TTC7B: variants seen among roughly 807,000 people sequenced by gnomAD.
TTC7B encodes the protein tetratricopeptide repeat protein 7B.
Under a neutral mutation model 106.8 loss-of-function variants are expected in TTC7B, and 28 were observed. The observed-to-expected ratio is 0.26, with a 90% CI of 0.19 to 0.36. The LOEUF is 0.36. Ranked by LOEUF, TTC7B falls within the 10% of genes least tolerant of loss-of-function variation. TTC7B has a pLI of 1.00. For synonymous variants in TTC7B, 405 were observed against 430.6 expected (o/e 0.94, Z 0.74); for missense variants, 862 against 1,076.4 (o/e 0.80, Z 2.79).
At chr14:90,711,334 G>C (rs1375205056) in intron 5 of TTC7B, among the ~76,000 whole-genome samples, 1 of 152,188 alleles carries the variant, frequency 6.6e-6, no homozygotes, top group Non-Finnish European at 1.5e-5. Context: ...CTATATTGGA[G>C]CAAAGTTGCT....
At chr14:90,659,394 A>G (rs1886094374) in intron 9 of TTC7B, among the ~76,000 whole-genome samples, 1 of 152,174 alleles carries the variant, frequency 6.6e-6, no homozygotes, top group Non-Finnish European at 1.5e-5. Flanking sequence ...TAATTTACCA[A>G]AGACATTCTG....
chr14:90,760,166 G>T (rs1199086235), intron 3 of TTC7B, among the ~76,000 whole-genome samples: 7 of 152,124 alleles, frequency 4.6e-5, no homozygotes, highest in Non-Finnish European at 8.8e-5. Context: ...TGTCACCAAG[G>T]GCGGACTCAG....
At position 90,816,170 on chromosome 14, in the gene TTC7B, C is replaced by A. The variant is rs2031177597; in HGVS notation, c.121+5G>T. On this transcript the variant is annotated splice_donor_5th_base_variant and intron_variant, in intron 1 of 19. Transcript: ENST00000328459. ...GCAGCCCAGGCCGGCGCGCCCGGAG[C>A]GTACCGTTGGCGATGAGCTTGGCCG... The A allele has an allele frequency of 1.6e-6, 2 of 1,240,408 alleles. No individual in the cohort carries two copies. Among genetic ancestry groups the A allele is most frequent in the Non-Finnish European group, 2.1e-6 (2 of 959,932 alleles). 76.8% of individuals were successfully genotyped at this position (1,240,408 alleles called of 1,614,324 possible). A position where few individuals can be genotyped will look rare whatever the true frequency, so the allele number is the denominator to read the frequency against.
chr14:90,554,628 T>C (rs1374474286), intron 19 of TTC7B, among the ~76,000 whole-genome samples: 2 of 152,158 alleles, frequency 1.3e-5, no homozygotes, highest in African/African-American at 4.8e-5. Context: ...CTGGAGGGGC[T>C]GGTTTGCTGT....
intron 7 of TTC7B, among the ~76,000 whole-genome samples, chr14:90,683,055 T>C (rs1386111602): frequency 6.6e-6 from 1 of 152,230 alleles, no homozygotes; most frequent in African/African-American, 2.4e-5. Flanking sequence ...GTAGAAACTT[T>C]ACCTTAATGG....
intron 19 of TTC7B, among the ~76,000 whole-genome samples, chr14:90,554,073 C>T (rs983388665): frequency 2.0e-5 from 3 of 152,178 alleles, no homozygotes; most frequent in African/African-American, 7.2e-5. Flanking sequence ...CAGACTTGGC[C>T]CCCCATTTCC....
At position 90,541,396 on chromosome 14, in the gene TTC7B, G is replaced by A; in HGVS notation, c.2504C>T (p.Pro835Leu). Residue 835 changes from proline (P) to leucine (L), a missense_variant, in exon 20 of 20, where the codon CCC becomes CTC. Coordinates refer to ENST00000328459, the MANE Select transcript of TTC7B (RefSeq NM_001010854.2). Reference sequence around the variant, plus strand: ...GAGCACGCGGGGGATGATGGTGAAGGGCACGGCGGGGCTGCTGGCCTCCAG... The same window carrying A: ...GAGCACGCGGGGGATGATGGTGAAGAGCACGGCGGGGCTGCTGGCCTCCAG... Reference protein sequence around the residue: ...LELEASSPAVPFTIIPRVL With the variant: ...LELEASSPAVLFTIIPRVL The A allele has an allele frequency of 1.2e-6, 2 of 1,607,032 alleles. No individual in the cohort carries two copies. Among genetic ancestry groups the A allele is most frequent in the Non-Finnish European group, 1.7e-6 (2 of 1,176,484 alleles).
rs1273495235 is a variant in TTC7B at position 90,531,599 on chromosome 14, A to T, written c.*9769T>A. 6.7e-6 allele frequency: 1 copy of T among 149,310 alleles called. No individual in the cohort carries two copies. The highest frequency in any genetic ancestry group is 1.5e-5 in the Non-Finnish European group (1 of 67,748). The allele number at this position is 149,310 out of a possible 1,614,324, so 9.2% of individuals were successfully genotyped here. ...GTGCCATTGCGCTCCAGCCTGGACAACAAGAGCGAAACTCCTTCTCAAAAA... is the reference window on the plus strand; with the variant it reads ...GTGCCATTGCGCTCCAGCCTGGACATCAAGAGCGAAACTCCTTCTCAAAAA... On this transcript the variant is annotated 3_prime_UTR_variant, in exon 20 of 20. Coordinates refer to ENST00000328459, the MANE Select transcript of TTC7B (RefSeq NM_001010854.2).
intron 5 of TTC7B, among the ~76,000 whole-genome samples, chr14:90,727,206 C>T (rs1889138910): frequency 6.6e-6 from 1 of 152,184 alleles, no homozygotes; most frequent in South Asian, 2.1e-4. Flanking sequence ...AGGCTGGGAA[C>T]TGTCTGTGGG....
chr14:90,606,158 T>C (rs541481433), intron 17 of TTC7B, among the ~76,000 whole-genome samples: 3 of 152,342 alleles, frequency 2.0e-5, no homozygotes, highest in Admixed American at 1.3e-4. Context: ...AGCACTTATA[T>C]ACAGTTTACT....
At chr14:90,754,291 G>A (rs1437346000) in intron 3 of TTC7B, among the ~76,000 whole-genome samples, 1 of 152,134 alleles carries the variant, frequency 6.6e-6, no homozygotes, top group Non-Finnish European at 1.5e-5. Flanking sequence ...TCACACTCTC[G>A]TCTCTATGAT....
At chr14:90,594,486 C>T (rs1892119992) in intron 17 of TTC7B, among the ~76,000 whole-genome samples, 1 of 152,146 alleles carries the variant, frequency 6.6e-6, no homozygotes, top group Admixed American at 6.5e-5. Context: ...TTCCAACATT[C>T]ACTCTTGGAG....
chr14:90,668,660 G>A (rs990984588), intron 9 of TTC7B, among the ~76,000 whole-genome samples: 4 of 151,992 alleles, frequency 2.6e-5, no homozygotes, highest in African/African-American at 4.8e-5. Flanking sequence ...CATATAAGGG[G>A]ACAGGTTCAG....
intron 2 of TTC7B, 125 bp downstream of exon 2, chr14:90,786,049 C>T: frequency 1.7e-6 from 2 of 1,174,164 alleles, no homozygotes; most frequent in South Asian, 4.6e-5. Flanking sequence ...TGGCCCGCTT[C>T]TAAGAAGACA....
chr14:90,635,397 G>A (rs1429257358), intron 15 of TTC7B, among the ~76,000 whole-genome samples: 1 of 152,094 alleles, frequency 6.6e-6, no homozygotes, highest in Non-Finnish European at 1.5e-5. Context: ...ATATAAATAT[G>A]TCAGTATTTA....
At chr14:90,592,419 C>G (rs774093004) in intron 18 of TTC7B, among the ~76,000 whole-genome samples, 1 of 152,172 alleles carries the variant, frequency 6.6e-6, no homozygotes, top group African/African-American at 2.4e-5. Flanking sequence ...TATTAAAATG[C>G]CTGCACAGGC....
At chr14:90,603,235 G>GTA in intron 17 of TTC7B, 1 of 1,284,726 alleles carries the variant, frequency 7.8e-7, no homozygotes, top group Non-Finnish European at 1.0e-6. Flanking sequence ...AGGATTAATA[G>GTA]ATTGGTAAAC....
chr14:90,806,121 G>A (rs888946616), intron 1 of TTC7B, among the ~76,000 whole-genome samples: 3 of 152,228 alleles, frequency 2.0e-5, no homozygotes, highest in African/African-American at 7.2e-5. Flanking sequence ...ACTGGTGGTT[G>A]GGATACAGCA....
intron 6 of TTC7B, among the ~76,000 whole-genome samples, chr14:90,692,475 C>T (rs1887513525): frequency 6.6e-6 from 1 of 152,152 alleles, no homozygotes; most frequent in Non-Finnish European, 1.5e-5. Context: ...GTTTTTAAGG[C>T]TGATGGAAAC....
Sources: allele counts gnomAD v4.1 joint callset (sites outside exome capture counted in the v4.1 genomes callset), GRCh38; gene constraint gnomAD v4.1.1; transcripts MANE v1.5; gene names NCBI Gene and HGNC (gene_info 2026-07-23, HGNC 2026-07-21).